RBPJ: variants seen among roughly 807,000 people sequenced by gnomAD.
RBPJ encodes recombining binding protein suppressor of hairless.
Under a neutral mutation model 67.8 loss-of-function variants are expected in RBPJ, and 9 were observed. The observed-to-expected ratio is 0.13, with a 90% confidence interval of 0.08 to 0.23. RBPJ has a LOEUF of 0.23. RBPJ is among the 10% of genes least tolerant of loss of function. The pLI is 1.00. For missense variants in RBPJ, 305 were observed against 595.6 expected, an observed-to-expected ratio of 0.51 and a Z score of 5.08; for synonymous variants, 198 against 203.3, an observed-to-expected ratio of 0.97 and a Z score of 0.22.
chr4:26,107,064 A>G, the RBPJ span, among the ~76,000 whole-genome samples: 4 of 152,238 alleles, frequency 2.6e-5, no homozygotes, highest in African/African-American at 9.6e-5. Context: ...AGGCTTATGA[A>G]GGCAGAGACT....
chr4:26,143,667 C>T, the RBPJ span, among the ~76,000 whole-genome samples: 1 of 152,244 alleles, frequency 6.6e-6, no homozygotes, highest in African/African-American at 2.4e-5. Context: ...TGGCTTATGC[C>T]TGTAATTCCA....
At chr4:26,119,972 A>G in the RBPJ span, among the ~76,000 whole-genome samples, 1 of 152,330 alleles carries the variant, frequency 6.6e-6, no homozygotes, top group South Asian at 2.1e-4. Context: ...CATCCACTTT[A>G]TAGGTAGGTT....
At chr4:26,212,170 C>T (rs999364892) in intron 1 of RBPJ, among the ~76,000 whole-genome samples, 8 of 152,176 alleles carry the variant, frequency 5.3e-5, no homozygotes, top group South Asian at 4.1e-4. Context: ...TGATCCTCCC[C>T]GCTACAATGG....
chr4:26,291,537 C>T (rs1721667802), intron 1 of RBPJ, among the ~76,000 whole-genome samples: 1 of 149,426 alleles, frequency 6.7e-6, no homozygotes, highest in Non-Finnish European at 1.5e-5. Context: ...GAAGGTCCTT[C>T]TAAGCAAAGG....
intron 1 of RBPJ, among the ~76,000 whole-genome samples, chr4:26,222,072 G>A (rs1718928118): frequency 6.6e-6 from 1 of 152,320 alleles, no homozygotes; most frequent in Middle Eastern, 3.4e-3. Flanking sequence ...TGTGTGATCT[G>A]CAACCTTGTT....
chr4:26,304,801 T>C (rs1040178368), intron 1 of RBPJ, among the ~76,000 whole-genome samples: 5 of 152,168 alleles, frequency 3.3e-5, no homozygotes, highest in African/African-American at 1.2e-4. Context: ...TTTTTTTTTT[T>C]TACTTTCTTG....
chr4:26,367,677 T>A (rs1265779207), intron 1 of RBPJ, among the ~76,000 whole-genome samples: 1 of 152,254 alleles, frequency 6.6e-6, no homozygotes, highest in Non-Finnish European at 1.5e-5. Flanking sequence ...AGTAACATTT[T>A]AAATTTTATT....
At position 26,263,933 on chromosome 4, in the gene RBPJ, C is replaced by G. The variant is rs537885011; in HGVS notation, c.-166-98513C>G. Among the ~76,000 whole-genome samples the G allele has an allele frequency of 6.6e-5, 10 of 150,778 alleles. 1 individual carries two copies. The South Asian group carries it at 2.1e-3, about 32-fold the overall frequency. ...TCTGTCCCCCAGGTTGGAGTGCAGC[C>G]GTGCGATCTCGGCTCACTGCAACCT... is the stretch of plus-strand genomic sequence containing the variant. On this transcript the variant is annotated intron_variant, in intron 1 of 4. Coordinates refer to the RBPJ transcript ENST00000512351.
intron 1 of RBPJ, among the ~76,000 whole-genome samples, chr4:26,183,009 C>A (rs1577444944): frequency 6.6e-6 from 1 of 152,324 alleles, no homozygotes. Flanking sequence ...GGCTGCTTTA[C>A]AGTTAACTTT....
intron 1 of RBPJ, among the ~76,000 whole-genome samples, chr4:26,277,015 G>A (rs993645633): frequency 1.3e-5 from 2 of 151,786 alleles, no homozygotes; most frequent in African/African-American, 4.8e-5. Context: ...GGAGAATCAC[G>A]CTCGCCTATA....
chr4:26,339,711 C>T (rs1725294386), intron 1 of RBPJ, among the ~76,000 whole-genome samples: 1 of 151,724 alleles, frequency 6.6e-6, no homozygotes, highest in Non-Finnish European at 1.5e-5. Context: ...AGAAAAAGAG[C>T]ATTCAAAAAG....
chr4:26,345,392 A>G (rs921701743), intron 1 of RBPJ, among the ~76,000 whole-genome samples: 1 of 152,236 alleles, frequency 6.6e-6, no homozygotes, highest in Non-Finnish European at 1.5e-5. Context: ...TCACTAGGGA[A>G]GTAGAAATAT....
chr4:26,118,640 T>A, the RBPJ span, among the ~76,000 whole-genome samples: 2 of 152,216 alleles, frequency 1.3e-5, no homozygotes, highest in East Asian at 3.8e-4. Flanking sequence ...GAGTAATTGA[T>A]TGGTCATTTT....
chr4:26,415,803 C>T (rs967476050), intron 4 of RBPJ, among the ~76,000 whole-genome samples, 163 bp downstream of exon 4: 15 of 152,112 alleles, frequency 9.9e-5, no homozygotes, highest in Non-Finnish European at 2.2e-4. Context: ...TAGCTTTGGT[C>T]TAGTCACTCA....
At chr4:26,327,542 G>GTTTT (rs11350013) in intron 1 of RBPJ, among the ~76,000 whole-genome samples, 71 of 104,888 alleles carry the variant, frequency 6.8e-4, no homozygotes, top group African/African-American at 7.3e-4. Flanking sequence ...GACCCTGGAG[G>GTTTT]TTTTTTTTTT....
intron 1 of RBPJ, among the ~76,000 whole-genome samples, chr4:26,297,536 A>T (rs1467240555): frequency 1.3e-5 from 2 of 151,978 alleles, no homozygotes; most frequent in African/African-American, 2.4e-5. Context: ...ATTACCTGTT[A>T]CCTTTTTTAT....
chr4:26,212,842 T>C (rs774387422), intron 1 of RBPJ, among the ~76,000 whole-genome samples: 5 of 152,118 alleles, frequency 3.3e-5, no homozygotes, highest in Non-Finnish European at 5.9e-5. Context: ...CCATCCTTCA[T>C]GTCCACTCAG....
At chr4:26,176,419 G>A (rs561288289) in intron 1 of RBPJ, among the ~76,000 whole-genome samples, 2 of 152,284 alleles carry the variant, frequency 1.3e-5, no homozygotes, top group South Asian at 4.1e-4. Context: ...GAGGTTGATG[G>A]GATGCTAATG....
At chr4:26,194,681 T>C (rs1717688371) in intron 1 of RBPJ, among the ~76,000 whole-genome samples, 1 of 152,268 alleles carries the variant, frequency 6.6e-6, no homozygotes, top group Non-Finnish European at 1.5e-5. Context: ...CTTTGCATTT[T>C]GTACCCTGGG....
Sources: allele counts gnomAD v4.1 joint callset (sites outside exome capture counted in the v4.1 genomes callset), GRCh38; gene constraint gnomAD v4.1.1; transcripts MANE v1.5; gene names NCBI Gene and HGNC (gene_info 2026-07-23, HGNC 2026-07-21).